The following CADM2 variants were observed in gnomAD, a reference collection of about 807,000 sequenced individuals.
The protein encoded by CADM2 is immunoglobulin superfamily member 4D.
CADM2 carries 12 observed loss-of-function variants against 49.8 expected under a neutral mutation model. That is an observed-to-expected ratio of 0.24 (90% CI 0.15 to 0.39). The LOEUF is 0.39. Ranked by LOEUF, CADM2 falls within the 10% of genes least tolerant of loss-of-function variation. The pLI is 1.00. For missense variants in CADM2, 378 were observed against 492.3 expected (o/e 0.77, Z 2.20); for synonymous variants, 214 against 175.4 (o/e 1.22, Z -1.74).
At chr3:85,355,091 T>C (rs1293794882) in intron 1 of CADM2, among the ~76,000 whole-genome samples, 1 of 152,012 alleles carries the variant, frequency 6.6e-6, no homozygotes, top group Non-Finnish European at 1.5e-5. Context: ...AAAACCCTCA[T>C]TGTGCACACT....
intron 2 of CADM2, among the ~76,000 whole-genome samples, chr3:85,736,363 G>GA (rs2068137012): frequency 6.6e-6 from 1 of 152,140 alleles, no homozygotes; most frequent in Non-Finnish European, 1.5e-5. Flanking sequence ...GGTACAATAA[G>GA]ATTCAACTAC....
rs542817349 is a variant in CADM2, at chr3:85,431,607, G to A, written c.62-294915G>A. The stretch of plus-strand genomic sequence containing the variant: ...TGTGATAGAGTGGTTGAAATAAAAA[G>A]GACCCTGAGGAGAAGGAAGGATTTA... On this transcript the variant is annotated intron_variant, in intron 1 of 9. Coordinates refer to ENST00000383699, the MANE Select transcript of CADM2 (RefSeq NM_001167675.2). 2.0e-5 allele frequency among the ~76,000 whole-genome samples: 3 copies of A among 151,336 alleles called. No homozygotes were observed. In the Admixed American group the frequency reaches 2.0e-4, roughly 10 times the overall value.
At position 86,071,594 on chromosome 3, in the gene CADM2, T is replaced by A. The variant is rs1051607254; in HGVS notation, c.*4811T>A. 6.6e-6 allele frequency: 1 copy of A among 151,912 alleles called. No individual in the cohort carries two copies. The highest frequency in any genetic ancestry group is 1.5e-5 in the Non-Finnish European group (1 of 67,852). 9.4% of individuals were successfully genotyped at this position (151,912 alleles called of 1,614,324 possible). A position where few individuals can be genotyped will look rare whatever the true frequency, so the allele number is the denominator to read the frequency against. ...TTTAACATGGGCTATGATACTTCAATATAAATAGAGGAAATAATTATTTAC... is the reference window on the plus strand; with the variant it reads ...TTTAACATGGGCTATGATACTTCAAAATAAATAGAGGAAATAATTATTTAC... On this transcript the variant is annotated 3_prime_UTR_variant, in exon 10 of 10. Transcript: ENST00000383699.
chr3:85,421,307 T>C (rs1268211592), intron 1 of CADM2, among the ~76,000 whole-genome samples: 2 of 152,192 alleles, frequency 1.3e-5, no homozygotes, highest in Non-Finnish European at 1.5e-5. Context: ...ATGATCATCA[T>C]TTATTGCTTG....
At chr3:85,249,469 T>C (rs188869303) in intron 1 of CADM2, among the ~76,000 whole-genome samples, 2 of 152,136 alleles carry the variant, frequency 1.3e-5, no homozygotes, top group East Asian at 3.9e-4. Context: ...AAAAAATTGC[T>C]GGGATTTAAA....
chr3:85,914,285 G>A (rs997428212), intron 6 of CADM2, among the ~76,000 whole-genome samples: 3 of 152,000 alleles, frequency 2.0e-5, no homozygotes, highest in African/African-American at 4.8e-5. Context: ...ACTGAAACTC[G>A]TTGAGCTTTG....
intron 1 of CADM2, among the ~76,000 whole-genome samples, chr3:85,515,419 TTGTTTC>T (rs1432650758): frequency 1.5e-5 from 1 of 65,738 alleles, no homozygotes; most frequent in Admixed American, 2.5e-4. Context: ...GTTTGTTTGT[TTGTTTC>T]TTTTTTTTTT....
intron 1 of CADM2, among the ~76,000 whole-genome samples, chr3:85,401,734 A>G (rs1275272855): frequency 1.3e-5 from 2 of 152,138 alleles, no homozygotes; most frequent in Non-Finnish European, 2.9e-5. Flanking sequence ...TTGACCAGAC[A>G]CAAAGGAAAG....
intron 8 of CADM2, among the ~76,000 whole-genome samples, chr3:85,975,636 C>T (rs983860157): frequency 8.6e-5 from 13 of 151,432 alleles, no homozygotes; most frequent in East Asian, 2.0e-4. Context: ...ATATATAATA[C>T]GACACAATTA....
intron 1 of CADM2, among the ~76,000 whole-genome samples, chr3:85,491,804 T>C (rs1251873747): frequency 4.6e-5 from 7 of 151,678 alleles, no homozygotes; most frequent in South Asian, 2.1e-4. Context: ...ACAAAAAAAA[T>C]AGCCGGGTGT....
chr3:85,547,477 G>A (rs1192920504), intron 1 of CADM2, among the ~76,000 whole-genome samples: 1 of 130,950 alleles, frequency 7.6e-6, no homozygotes, highest in East Asian at 2.9e-4. Flanking sequence ...TTGTCATAGA[G>A]AGCTGTTTGA....
At chr3:86,006,361 C>G (rs923458486) in intron 8 of CADM2, among the ~76,000 whole-genome samples, 4 of 152,108 alleles carry the variant, frequency 2.6e-5, no homozygotes, top group African/African-American at 9.7e-5. Flanking sequence ...AGGATCTGGG[C>G]AGAGAGAGTT....
chr3:85,413,156 AAAAAAAAT>A (rs2035745035), intron 1 of CADM2, among the ~76,000 whole-genome samples: 3 of 143,584 alleles, frequency 2.1e-5, no homozygotes, highest in Admixed American at 7.0e-5. Context: ...AAAAAAAAAA[AAAAAAAAT>A]AATAATAATA....
chr3:85,377,687 A>C (rs2033672785), intron 1 of CADM2, among the ~76,000 whole-genome samples: 1 of 152,074 alleles, frequency 6.6e-6, no homozygotes, highest in Non-Finnish European at 1.5e-5. Context: ...TATACTGACT[A>C]ATGAACATAA....
rs376344631 is a variant in CADM2, at chr3:85,379,700, C to A, written c.62-346822C>A. ...TGTACCCTTCAAAGGGATCTGAATT[C>A]ACAGGATCAAGTAATTGTGACCCAC... On this transcript the variant is annotated intron_variant, in intron 1 of 9. Transcript: ENST00000383699. Among the ~76,000 whole-genome samples the A allele has an allele frequency of 3.9e-5, 6 of 152,112 alleles. No individual in the cohort carries two copies. In the East Asian group the frequency reaches 5.8e-4, roughly 15 times the overall value.
At chr3:85,087,252 G>A (rs539700829) in intron 1 of CADM2, among the ~76,000 whole-genome samples, 5 of 152,054 alleles carry the variant, frequency 3.3e-5, no homozygotes, top group Admixed American at 1.3e-4. Context: ...AATGCCAGGC[G>A]CCCACATGTT....
chr3:85,470,496 G>A (rs569758300), intron 1 of CADM2, among the ~76,000 whole-genome samples: 4 of 152,210 alleles, frequency 2.6e-5, no homozygotes, highest in Non-Finnish European at 5.9e-5. Flanking sequence ...TGCAATTTAG[G>A]GAAGACTTTG....
intron 1 of CADM2, among the ~76,000 whole-genome samples, chr3:85,637,632 A>AAAATAAAATAAAAT (rs1553753417): frequency 1.6e-4 from 24 of 145,776 alleles, no homozygotes; most frequent in South Asian, 2.1e-4. Flanking sequence ...AAAATAAAAT[A>AAAATAAAATAAAAT]AAATAAATAA....
chr3:85,132,868 G>A (rs546023591), intron 1 of CADM2, among the ~76,000 whole-genome samples: 18 of 152,198 alleles, frequency 1.2e-4, no homozygotes, highest in South Asian at 1.0e-3. Flanking sequence ...TCTTGGTTTC[G>A]CTGACTTCAA....
Sources: gnomAD v4.1 joint callset for allele counts (sites outside exome capture counted in the v4.1 genomes callset) on GRCh38, gnomAD v4.1.1 for gene constraint, MANE v1.5 for transcripts, NCBI Gene and HGNC (gene_info 2026-07-23, HGNC 2026-07-21) for gene names.